Variants in SSBP3 observed in about 807,000 individuals in gnomAD.
SSBP3 encodes the protein single-stranded DNA-binding protein 3.
In SSBP3, 5 loss-of-function variants were observed where a neutral mutation model predicts 69.6. The ratio of observed to expected loss-of-function variants is 0.07; its 90% CI spans 0.04 to 0.15. The LOEUF (loss-of-function observed/expected upper bound fraction) is 0.15. Ranked by LOEUF, SSBP3 falls within the 10% of genes least tolerant of loss-of-function variation. The pLI is 1.00. For synonymous variants in SSBP3, 196 were observed against 193.4 expected (o/e 1.01, Z -0.11); for missense variants, 312 against 534.0 (o/e 0.58, Z 4.10).
chr1:54,370,959 T>C (rs1647122726), intron 4 of SSBP3, among the ~76,000 whole-genome samples: 1 of 151,774 alleles, frequency 6.6e-6, no homozygotes, highest in Non-Finnish European at 1.5e-5. Flanking sequence ...TAAGCACACA[T>C]GGTCCTGAGA....
Position 54,321,271 on chromosome 1 carries a change from T to G in SSBP3, c.277-39744A>C, listed in dbSNP as rs114414595. ...ATGCCCTCAAGACTGCAGGCACTGGTGCAGCGTGGCCAGATGTGTTTCAGA... is the reference window on the plus strand; with the variant it reads ...ATGCCCTCAAGACTGCAGGCACTGGGGCAGCGTGGCCAGATGTGTTTCAGA... On this transcript the variant is annotated intron_variant, in intron 4 of 17. Transcript: ENST00000610401. 3.1e-3 allele frequency among the ~76,000 whole-genome samples: 466 copies of G among 152,358 alleles called. 1 individual carries two copies. The highest frequency in any genetic ancestry group is 5.5e-3 in the Non-Finnish European group (377 of 68,032).
At chr1:54,249,311 T>A (rs867986473) in intron 9 of SSBP3, among the ~76,000 whole-genome samples, 1 of 152,212 alleles carries the variant, frequency 6.6e-6, no homozygotes, top group African/African-American at 2.4e-5. Flanking sequence ...CCCAAGCAAC[T>A]AGAGGTCTTA....
At chr1:54,372,989 G>A (rs1457494569) in intron 4 of SSBP3, among the ~76,000 whole-genome samples, 1 of 152,166 alleles carries the variant, frequency 6.6e-6, no homozygotes, top group East Asian at 1.9e-4. Flanking sequence ...TGTAAAAAAT[G>A]CAATGTCTTT....
At chr1:54,273,538 G>A (rs1271895824) in intron 5 of SSBP3, among the ~76,000 whole-genome samples, 3 of 152,226 alleles carry the variant, frequency 2.0e-5, no homozygotes, top group Admixed American at 6.5e-5. Context: ...GCAGGGAAGG[G>A]AGCACAGCCT....
chr1:54,275,860 G>A (rs1263585926), intron 5 of SSBP3, among the ~76,000 whole-genome samples: 2 of 152,230 alleles, frequency 1.3e-5, no homozygotes, highest in African/African-American at 4.8e-5. Context: ...GAGCCCTCAG[G>A]AGGCTGCCCT....
chr1:54,278,570 C>T (rs371056512), intron 5 of SSBP3, among the ~76,000 whole-genome samples: 1 of 152,226 alleles, frequency 6.6e-6, no homozygotes, highest in African/African-American at 2.4e-5. Flanking sequence ...CCCTGTGTTG[C>T]TTACCGAGGG....
At chr1:54,252,363 A>G (rs1463027908) in intron 7 of SSBP3, among the ~76,000 whole-genome samples, 1 of 152,216 alleles carries the variant, frequency 6.6e-6, no homozygotes, top group Admixed American at 6.5e-5. Context: ...AGCCCCATTT[A>G]AAGGGGAAAA....
chr1:54,362,108 T>C (rs1292650917), intron 4 of SSBP3, among the ~76,000 whole-genome samples: 1 of 152,242 alleles, frequency 6.6e-6, no homozygotes, highest in Non-Finnish European at 1.5e-5. Context: ...TGCCCATCTT[T>C]ACCATCATGG....
chr1:54,387,011 C>T (rs529904237), intron 4 of SSBP3, among the ~76,000 whole-genome samples: 55 of 152,264 alleles, frequency 3.6e-4, no homozygotes, highest in Admixed American at 5.9e-4. Flanking sequence ...TCCCTGCTCT[C>T]AGCTTTCCTC....
At chr1:54,361,629 G>C (rs535504181) in intron 4 of SSBP3, among the ~76,000 whole-genome samples, 1 of 152,114 alleles carries the variant, frequency 6.6e-6, no homozygotes, top group African/African-American at 2.4e-5. Context: ...TGTTCTCGCA[G>C]AACGTGGGAT....
chr1:54,227,185 G>GGC (rs761062692), intron 17 of SSBP3, 25 bp from the exon 18 acceptor site: 9 of 1,193,958 alleles, frequency 7.5e-6, no homozygotes, highest in Admixed American at 3.6e-5. Flanking sequence ...CAGAGAAGGG[G>GGC]GGGGGGTGAG....
upstream of SSBP3, among the ~76,000 whole-genome samples, chr1:54,408,913 A>G (rs1275703776): frequency 6.6e-6 from 1 of 152,136 alleles, no homozygotes; most frequent in Non-Finnish European, 1.5e-5. Flanking sequence ...TGGAGCTAAA[A>G]GAGATGGTGA....
chr1:54,228,669 G>A, intron 15 of SSBP3, 79 bp downstream of exon 15: 1 of 1,517,560 alleles, frequency 6.6e-7, no homozygotes, highest in Non-Finnish European at 8.9e-7. Flanking sequence ...TCTGTACCAA[G>A]CCCAGCTGAG....
chr1:54,258,225 A>C lies in SSBP3; in HGVS notation c.367-76T>G. The C allele has an allele frequency of 7.6e-7, 1 of 1,317,098 alleles. No homozygotes were observed. The highest frequency in any genetic ancestry group is 1.0e-6 in the Non-Finnish European group (1 of 994,864). The allele number at this position is 1,317,098 out of a possible 1,614,324, so 81.6% of individuals were successfully genotyped here. A position where few individuals can be genotyped will look rare whatever the true frequency, so the allele number is the denominator to read the frequency against. ...GCGCAGAAGCAGCTTAAAAGAACAA[A>C]AATTAAACCAAAACGAAGGGTGGGC... is the stretch of plus-strand genomic sequence containing the variant. On this transcript the variant is annotated intron_variant, in intron 5 of 17. Coordinates refer to ENST00000610401, the Ensembl canonical transcript of SSBP3. The surrounding 1 kb of genome is among the most constrained non-coding windows in gnomAD (Gnocchi z 4.5).
intron 4 of SSBP3, among the ~76,000 whole-genome samples, chr1:54,351,048 G>A (rs985809875): frequency 2.0e-5 from 3 of 152,152 alleles, no homozygotes; most frequent in East Asian, 1.9e-4. Context: ...GGCTGGTCTC[G>A]AACTCCTAGC....
intron 4 of SSBP3, among the ~76,000 whole-genome samples, chr1:54,380,253 C>T (rs1051346478): frequency 1.3e-4 from 20 of 152,172 alleles, no homozygotes; most frequent in Non-Finnish European, 2.2e-4. Flanking sequence ...TCTGGACAGG[C>T]TAAGTCACAC....
intron 9 of SSBP3, among the ~76,000 whole-genome samples, 160 bp downstream of exon 9, chr1:54,251,456 C>A (rs1644826981): frequency 6.6e-6 from 1 of 152,248 alleles, no homozygotes; most frequent in South Asian, 2.1e-4. Flanking sequence ...TGAAGCCAGC[C>A]TGCCACAGGA....
At chr1:54,259,075 C>T (rs1014701507) in intron 5 of SSBP3, among the ~76,000 whole-genome samples, 6 of 152,042 alleles carry the variant, frequency 3.9e-5, no homozygotes, top group Admixed American at 1.3e-4. Context: ...GACTGCTGGG[C>T]GACTGGGTGG....
intron 4 of SSBP3, among the ~76,000 whole-genome samples, chr1:54,292,689 A>G (rs1270706366): frequency 6.6e-6 from 1 of 152,082 alleles, no homozygotes. Context: ...TGAACAAACG[A>G]GAGGGAGTGG....
Sources: gnomAD v4.1 joint callset for allele counts (sites outside exome capture counted in the v4.1 genomes callset) on GRCh38, gnomAD v4.1.1 for gene constraint, Gnocchi (gnomAD v3.1) non-coding constraint, MANE v1.5 for transcripts, NCBI Gene and HGNC (gene_info 2026-07-23, HGNC 2026-07-21) for gene names.